Variants in ZFYVE9 observed in about 807,000 individuals in gnomAD.
The protein encoded by ZFYVE9 is zinc finger FYVE-type containing 9.
A neutral mutation model predicts 126.7 loss-of-function variants in ZFYVE9; 43 were observed. The observed-to-expected ratio is 0.34, with a 90% CI of 0.27 to 0.44. The LOEUF (loss-of-function observed/expected upper bound fraction) is 0.44, where lower values mean the gene tolerates loss of function less well. ZFYVE9 is among the 20% of genes least tolerant of loss of function. The pLI, the probability that ZFYVE9 is intolerant of heterozygous loss-of-function variation, is 1.00. For missense variants in ZFYVE9, 1,476 were observed against 1,697.0 expected (o/e 0.87, Z 2.29); for synonymous variants, 521 against 597.4 (o/e 0.87, Z 1.87).
intron 1 of ZFYVE9, chr1:52,180,307 A>G: frequency 6.3e-7 from 1 of 1,586,858 alleles, no homozygotes; most frequent in Admixed American, 1.7e-5. Context: ...ATACCCAGTT[A>G]TCCTGATAGG....
At chr1:52,307,282 C>T (rs984187110) in intron 13 of ZFYVE9, among the ~76,000 whole-genome samples, 3 of 152,106 alleles carry the variant, frequency 2.0e-5, no homozygotes, top group Admixed American at 1.3e-4. Flanking sequence ...GTCACCCAGG[C>T]TGGAGTGCAG....
chr1:52,181,460 T>C, intron 1 of ZFYVE9, among the ~76,000 whole-genome samples: 1 of 152,186 alleles, frequency 6.6e-6, no homozygotes, highest in Non-Finnish European at 1.5e-5. Flanking sequence ...CCGCCTGCCT[T>C]GGCCTCCCAA....
chr1:52,284,191 T>G (rs1569668045), intron 10 of ZFYVE9, among the ~76,000 whole-genome samples: 1 of 152,246 alleles, frequency 6.6e-6, no homozygotes, highest in South Asian at 2.1e-4. Flanking sequence ...TGACATCAGA[T>G]GAAACATGAA....
intron 1 of ZFYVE9, among the ~76,000 whole-genome samples, chr1:52,215,736 A>G (rs922374476): frequency 6.6e-6 from 1 of 152,186 alleles, no homozygotes; most frequent in Non-Finnish European, 1.5e-5. Flanking sequence ...GGGCTACCAT[A>G]ACTTAATGGA....
intron 13 of ZFYVE9, among the ~76,000 whole-genome samples, chr1:52,317,288 GTTGGGGGGATCAC>G (rs1557516981): frequency 6.6e-6 from 1 of 152,068 alleles, no homozygotes; most frequent in Admixed American, 6.6e-5. Context: ...GGAGGTTGAG[GTTGGGGGGATCAC>G]TTGAGGTCAG....
intron 2 of ZFYVE9, among the ~76,000 whole-genome samples, chr1:52,219,887 C>T (rs1322698253): frequency 5.3e-5 from 8 of 151,588 alleles, no homozygotes; most frequent in Non-Finnish European, 8.8e-5. Flanking sequence ...AAGCAATTCT[C>T]CTGCCTTGGC....
chr1:52,335,994 C>T (rs1489188965), intron 15 of ZFYVE9, among the ~76,000 whole-genome samples: 1 of 152,032 alleles, frequency 6.6e-6, no homozygotes, highest in African/African-American at 2.4e-5. Context: ...AACAGCCAAG[C>T]GTGGTGGCGC....
Position 52,263,753 on chromosome 1 carries a change from T to TGGGGGGGGGGGGGG in ZFYVE9, c.2179-20_2179-19insGGGGGGGGGGGGGG. ...ATCCCAAGTAAATTTTGTGTGTTCTTCCCCCCCCCCCCCCCACAGGTTTTC... is the reference window on the plus strand; with the variant it reads ...ATCCCAAGTAAATTTTGTGTGTTCTTGGGGGGGGGGGGGGCCCCCCCCCCCCCCCACAGGTTTTC... On this transcript the variant is annotated intron_variant, in intron 4 of 18. Coordinates refer to ENST00000287727, the MANE Select transcript of ZFYVE9 (RefSeq NM_004799.4). 2 of 713,088 alleles carry TGGGGGGGGGGGGGG rather than the reference T, an allele frequency of 2.8e-6. No homozygotes were observed. The allele number at this position is 713,088 out of a possible 1,614,324, so 44.2% of individuals were successfully genotyped here.
chr1:52,301,306 TTTTTTTTTTTTTG>T (rs1269495892), intron 12 of ZFYVE9, among the ~76,000 whole-genome samples: 1 of 137,600 alleles, frequency 7.3e-6, no homozygotes. Flanking sequence ...TTTTTTTTTT[TTTTTTTTTTTTTG>T]GAAATAGGGT....
At chr1:52,284,481 G>A (rs191947397) in intron 10 of ZFYVE9, among the ~76,000 whole-genome samples, 1 of 151,410 alleles carries the variant, frequency 6.6e-6, no homozygotes, top group South Asian at 2.1e-4. Flanking sequence ...GTGCAGTGGC[G>A]CTATCTCAGC....
At chr1:52,242,840 G>A (rs1009066236) in intron 4 of ZFYVE9, among the ~76,000 whole-genome samples, 3 of 152,162 alleles carry the variant, frequency 2.0e-5, no homozygotes, top group East Asian at 1.9e-4. Flanking sequence ...TAGCCATCTG[G>A]CATGAAAAAA....
intron 10 of ZFYVE9, among the ~76,000 whole-genome samples, chr1:52,288,982 A>C (rs1401881578): frequency 1.3e-5 from 2 of 151,804 alleles, no homozygotes; most frequent in Non-Finnish European, 2.9e-5. Context: ...AAATGAATGA[A>C]CCATTTGCTT....
At chr1:52,171,939 A>G (rs1644575479) in intron 1 of ZFYVE9, among the ~76,000 whole-genome samples, 1 of 151,918 alleles carries the variant, frequency 6.6e-6, no homozygotes, top group Admixed American at 6.6e-5. Context: ...ATTTTCTTCC[A>G]TTTTGTAGGT....
At chr1:52,326,747 T>G (rs555158520) in intron 13 of ZFYVE9, among the ~76,000 whole-genome samples, 2 of 148,458 alleles carry the variant, frequency 1.3e-5, no homozygotes, top group South Asian at 4.3e-4. Flanking sequence ...CCTGTGCCTG[T>G]AATCCCAGCT....
intron 1 of ZFYVE9, among the ~76,000 whole-genome samples, chr1:52,208,444 A>G (rs142681154): frequency 5.3e-5 from 8 of 151,712 alleles, no homozygotes; most frequent in South Asian, 2.1e-4. Context: ...ATAAGTTGTG[A>G]TTGTGAATAG....
chr1:52,209,872 A>T (rs993409779), intron 1 of ZFYVE9, among the ~76,000 whole-genome samples: 23 of 152,234 alleles, frequency 1.5e-4, no homozygotes. Context: ...ATAGGATGAC[A>T]TTGAATGATG....
chr1:52,162,516 A>C, intron 1 of ZFYVE9: 1 of 262,902 alleles, frequency 3.8e-6, no homozygotes, highest in South Asian at 5.8e-5. Flanking sequence ...TGAGTCATCT[A>C]TTCCCTAAAA....
At chr1:52,295,480 C>T (rs1321748923) in intron 11 of ZFYVE9, among the ~76,000 whole-genome samples, 2 of 152,012 alleles carry the variant, frequency 1.3e-5, no homozygotes, top group African/African-American at 4.8e-5. Context: ...CTCTCAGCCT[C>T]CCAAGTAGAT....
chr1:52,281,596 A>G, intron 9 of ZFYVE9, 65 bp from the exon 10 acceptor site: 1 of 1,563,400 alleles, frequency 6.4e-7, no homozygotes, highest in Non-Finnish European at 8.7e-7. Context: ...ATTTCTGTGC[A>G]TCTTTTTTTA....
Sources: gnomAD v4.1 joint callset for allele counts (sites outside exome capture counted in the v4.1 genomes callset) on GRCh38, gnomAD v4.1.1 for gene constraint, MANE v1.5 for transcripts, NCBI Gene and HGNC (gene_info 2026-07-23, HGNC 2026-07-21) for gene names.